The following ARB2A variants were observed in gnomAD, a reference collection of about 807,000 sequenced individuals.
The protein encoded by ARB2A is cotranscriptional regulator ARB2A.
chr5:93,856,738 T>C, the ARB2A span, among the ~76,000 whole-genome samples: 5 of 152,086 alleles, frequency 3.3e-5, no homozygotes, highest in Non-Finnish European at 7.4e-5. Context: ...TTTCCTCCTG[T>C]AGCTCGTAGT....
the ARB2A span, among the ~76,000 whole-genome samples, chr5:93,953,459 C>A: frequency 6.6e-6 from 1 of 151,860 alleles, no homozygotes; most frequent in African/African-American, 2.4e-5. Flanking sequence ...TGGAAGAATT[C>A]TCTGGATTGC....
At chr5:93,637,084 A>G in the ARB2A span, among the ~76,000 whole-genome samples, 3 of 152,030 alleles carry the variant, frequency 2.0e-5, no homozygotes, top group East Asian at 5.8e-4. Flanking sequence ...CCTTCCCCCC[A>G]GCTCCCCTCC....
At chr5:93,643,923 G>A in the ARB2A span, among the ~76,000 whole-genome samples, 2 of 152,138 alleles carry the variant, frequency 1.3e-5, no homozygotes, top group East Asian at 1.9e-4. Context: ...TCCTGGTATG[G>A]CACTGTGCCC....
the ARB2A span, among the ~76,000 whole-genome samples, chr5:93,945,905 A>G: frequency 6.6e-6 from 1 of 152,192 alleles, no homozygotes; most frequent in Non-Finnish European, 1.5e-5. Flanking sequence ...AAGCTTACAT[A>G]GAGTGGAACA....
At chr5:93,756,710 G>A in the ARB2A span, among the ~76,000 whole-genome samples, 1 of 145,780 alleles carries the variant, frequency 6.9e-6, no homozygotes, top group Non-Finnish European at 1.5e-5. Context: ...TGGGACAAAA[G>A]AATCTAAATG....
chr5:93,885,593 G>C, the ARB2A span, among the ~76,000 whole-genome samples: 3 of 151,576 alleles, frequency 2.0e-5, no homozygotes, highest in African/African-American at 4.8e-5. Flanking sequence ...ACATAAAGTT[G>C]TTAATTAACT....
At chr5:93,772,207 C>CA in the ARB2A span, among the ~76,000 whole-genome samples, 1 of 151,916 alleles carries the variant, frequency 6.6e-6, no homozygotes, top group African/African-American at 2.4e-5. Flanking sequence ...ATCGCAAGAA[C>CA]AAAAAACCAA....
At chr5:93,853,880 T>C in the ARB2A span, among the ~76,000 whole-genome samples, 3 of 152,334 alleles carry the variant, frequency 2.0e-5, no homozygotes, top group South Asian at 6.2e-4. Flanking sequence ...TTGAGGATTT[T>C]TGCATCAATG....
the ARB2A span, among the ~76,000 whole-genome samples, chr5:94,081,160 C>T: frequency 1.3e-5 from 2 of 152,126 alleles, no homozygotes; most frequent in Non-Finnish European, 2.9e-5. Flanking sequence ...ACTAGCATGG[C>T]TATAATCAAA....
chr5:93,637,468 T>C, the ARB2A span, among the ~76,000 whole-genome samples: 3 of 151,792 alleles, frequency 2.0e-5, no homozygotes, highest in Admixed American at 6.6e-5. Flanking sequence ...CATTGCTTCG[T>C]TTCTCTGGGA....
chr5:94,012,173 C>T, the ARB2A span, among the ~76,000 whole-genome samples: 14 of 152,010 alleles, frequency 9.2e-5, no homozygotes, highest in East Asian at 5.8e-4. Context: ...GAGGCCAAGG[C>T]GGGCAGATCA....
At chr5:94,083,825 A>G in the ARB2A span, among the ~76,000 whole-genome samples, 1 of 146,212 alleles carries the variant, frequency 6.8e-6, no homozygotes, top group African/African-American at 2.5e-5. Flanking sequence ...AGGTCCTCTA[A>G]AAAAAAAAAA....
chr5:94,109,358 A>G, the ARB2A span, among the ~76,000 whole-genome samples: 1 of 152,312 alleles, frequency 6.6e-6, no homozygotes, highest in Non-Finnish European at 1.5e-5. Flanking sequence ...TGAAAAATAA[A>G]GTTGGCATAG....
chr5:93,761,327 C>T, the ARB2A span, among the ~76,000 whole-genome samples: 115 of 152,248 alleles, frequency 7.6e-4, no homozygotes, highest in South Asian at 8.3e-4. Flanking sequence ...GGGTGACAGA[C>T]GGCACCTGGA....
chr5:94,007,034 TG>T, the ARB2A span, among the ~76,000 whole-genome samples: 1 of 152,198 alleles, frequency 6.6e-6, no homozygotes. Flanking sequence ...TGCCACTGAT[TG>T]CATCTCTAAC....
chr5:94,023,205 T>C, the ARB2A span, among the ~76,000 whole-genome samples: 1 of 152,230 alleles, frequency 6.6e-6, no homozygotes, highest in South Asian at 2.1e-4. Context: ...GTGGCCAAGA[T>C]AGCCCACAAG....
At chr5:93,761,248 C>G in the ARB2A span, among the ~76,000 whole-genome samples, 1 of 152,124 alleles carries the variant, frequency 6.6e-6, no homozygotes, top group East Asian at 1.9e-4. Flanking sequence ...TGAGCCAAAG[C>G]AGGGTGAGGT....
the ARB2A span, chr5:93,619,990 C>T: frequency 6.6e-6 from 1 of 152,238 alleles, no homozygotes; most frequent in East Asian, 1.9e-4. Flanking sequence ...AAATTCTCTC[C>T]CTAGAAGGGC....
chr5:93,675,235 C>T, the ARB2A span, among the ~76,000 whole-genome samples: 1 of 152,126 alleles, frequency 6.6e-6, no homozygotes, highest in Admixed American at 6.5e-5. Flanking sequence ...GGCTAGGTTA[C>T]AGTTGTTCAC....
Sources: gnomAD v4.1 joint callset for allele counts (sites outside exome capture counted in the v4.1 genomes callset) on GRCh38, gnomAD v4.1.1 for gene constraint, MANE v1.5 for transcripts, NCBI Gene and HGNC (gene_info 2026-07-23, HGNC 2026-07-21) for gene names.